Variants in MAPK10 observed in about 807,000 individuals in gnomAD.
MAPK10 encodes JNK3 alpha protein kinase.
MAPK10 carries 25 observed loss-of-function variants against 59.3 expected under a neutral mutation model. The ratio of observed to expected loss-of-function variants is 0.42; its 90% CI spans 0.31 to 0.59. MAPK10 has a LOEUF of 0.59. Among genes scored for constraint, MAPK10 ranks in the 20% least tolerant of loss-of-function variants. MAPK10 has a pLI of 0.15. For synonymous variants in MAPK10, 190 were observed against 200.5 expected (o/e 0.95, Z 0.44); for missense variants, 351 against 568.9 (o/e 0.62, Z 3.90).
intron 3 of MAPK10, among the ~76,000 whole-genome samples, chr4:86,173,503 GT>G (rs1333797316): frequency 6.6e-6 from 1 of 151,814 alleles, no homozygotes; most frequent in Non-Finnish European, 1.5e-5. Flanking sequence ...TAAGAAAAAT[GT>G]AAAACCCAAA....
At chr4:86,506,168 T>C (rs1383103965) in intron 1 of MAPK10, among the ~76,000 whole-genome samples, 11 of 152,092 alleles carry the variant, frequency 7.2e-5, no homozygotes, top group Admixed American at 7.2e-4. Context: ...AGGCAGTCGG[T>C]CATATGAAAA....
chr4:86,485,639 C>T lies in MAPK10; in HGVS notation c.-263+108271G>A, dbSNP rs78764986. Among the ~76,000 whole-genome samples the T allele has an allele frequency of 2.6e-3, 392 of 152,286 alleles. 4 individuals carry two copies. Among genetic ancestry groups the T allele is most frequent in the African/African-American group, 9.1e-3 (380 of 41,548 alleles). On this transcript the variant is annotated intron_variant, in intron 1 of 4. Coordinates refer to the MAPK10 transcript ENST00000502302. Reference sequence around the variant, plus strand: ...CTTCATCAGAGAAAGAATGAGAAAGCTGGAAAGACAGTAGATGGTATAGAC... The same window carrying T: ...CTTCATCAGAGAAAGAATGAGAAAGTTGGAAAGACAGTAGATGGTATAGAC...
chr4:86,220,334 A>AAAAAC (rs1259015276), intron 2 of MAPK10, among the ~76,000 whole-genome samples: 3 of 152,178 alleles, frequency 2.0e-5, no homozygotes, highest in Non-Finnish European at 4.4e-5. Context: ...CATCCAGAGT[A>AAAAAC]AAAACAAAAC....
chr4:86,191,198 G>T (rs954911176), intron 3 of MAPK10, among the ~76,000 whole-genome samples: 1 of 152,152 alleles, frequency 6.6e-6, no homozygotes, highest in Non-Finnish European at 1.5e-5. Flanking sequence ...ATGCTATGTG[G>T]TGTTGAGAAG....
At chr4:86,427,351 G>A (rs1004067242) in intron 1 of MAPK10, among the ~76,000 whole-genome samples, 12 of 151,768 alleles carry the variant, frequency 7.9e-5, no homozygotes, top group Non-Finnish European at 1.8e-4. Flanking sequence ...TCTCAACGAT[G>A]CAACGTTCAC....
intron 1 of MAPK10, among the ~76,000 whole-genome samples, chr4:86,483,626 C>T (rs979879115): frequency 2.0e-5 from 3 of 151,948 alleles, no homozygotes; most frequent in Non-Finnish European, 1.5e-5. Flanking sequence ...CAATATTTAT[C>T]GAACACCTGC....
chr4:86,325,206 T>A (rs2095995935), intron 2 of MAPK10, among the ~76,000 whole-genome samples: 1 of 152,174 alleles, frequency 6.6e-6, no homozygotes, highest in Non-Finnish European at 1.5e-5. Context: ...ATTTCATAGA[T>A]CACAGAGGAA....
chr4:86,531,328 C>T (rs1163791473), intron 1 of MAPK10, among the ~76,000 whole-genome samples: 1 of 152,208 alleles, frequency 6.6e-6, no homozygotes, highest in African/African-American at 2.4e-5. Flanking sequence ...CACATCCCCT[C>T]GATGAGGGTA....
At chr4:86,035,145 T>C (rs1243224542) in intron 11 of MAPK10, among the ~76,000 whole-genome samples, 1 of 150,736 alleles carries the variant, frequency 6.6e-6, no homozygotes, top group African/African-American at 2.4e-5. Context: ...CCGAGGTGGG[T>C]GGATTATTTG....
chr4:86,190,265 A>C (rs147796409), intron 3 of MAPK10, among the ~76,000 whole-genome samples: 12,935 of 152,192 alleles, frequency 0.085, 1,221 homozygotes, highest in African/African-American at 0.23. Context: ...GCCTCATAAA[A>C]TGAGTAAGGA....
chr4:86,353,299 G>A (rs913492544), intron 2 of MAPK10, among the ~76,000 whole-genome samples: 13 of 152,218 alleles, frequency 8.5e-5, no homozygotes, highest in Non-Finnish European at 1.3e-4. Flanking sequence ...TTAAAGCAAG[G>A]ACTGTCTTTT....
intron 2 of MAPK10, among the ~76,000 whole-genome samples, chr4:86,196,684 T>A (rs1413216520): frequency 6.6e-6 from 1 of 152,224 alleles, no homozygotes; most frequent in Non-Finnish European, 1.5e-5. Flanking sequence ...AGAGTTTTTA[T>A]GGTTTCAGGT....
chr4:86,128,556 C>T (rs770917986), intron 4 of MAPK10, among the ~76,000 whole-genome samples: 33 of 152,096 alleles, frequency 2.2e-4, no homozygotes, highest in Non-Finnish European at 4.1e-4. Flanking sequence ...TTCCTGAAGG[C>T]CTCCCCAGCC....
At chr4:86,317,842 G>A (rs998723126) in intron 2 of MAPK10, among the ~76,000 whole-genome samples, 2 of 152,208 alleles carry the variant, frequency 1.3e-5, no homozygotes, top group African/African-American at 4.8e-5. Context: ...TTCTCTCACA[G>A]TGCTGGAGGC....
At chr4:86,335,472 A>G (rs890663383) in intron 2 of MAPK10, among the ~76,000 whole-genome samples, 1 of 152,244 alleles carries the variant, frequency 6.6e-6, no homozygotes, top group Admixed American at 6.5e-5. Context: ...GAAATGGCGG[A>G]CTAAAAATAC....
In MAPK10 at chr4:86,014,303, G is replaced by GTTGTGTGT. The variant is rs1553900779; in HGVS notation, c.*2924_*2925insACACACAA. The GTTGTGTGT allele has an allele frequency of 8.3e-5, 12 of 143,990 alleles. No homozygotes were observed. The highest frequency in any genetic ancestry group is 3.1e-4 in the African/African-American group (12 of 38,530). The allele number at this position is 143,990 out of a possible 1,614,324, so 8.9% of individuals were successfully genotyped here. ...AGGTGACTATTTAAGAAATATTTGG[G>GTTGTGTGT]GTGTGTGTGTGTGTGTGTGTGTGTG... On this transcript the variant is annotated 3_prime_UTR_variant, in exon 14 of 14. Coordinates refer to ENST00000641462, the MANE Select transcript of MAPK10 (RefSeq NM_138982.4).
Position 86,013,484 on chromosome 4 carries a change from A to T in MAPK10, c.*3744T>A, listed in dbSNP as rs1224159663. The T allele has an allele frequency of 6.6e-6, 1 of 152,242 alleles. No individual in the cohort carries two copies. Among genetic ancestry groups the T allele is most frequent in the African/African-American group, 2.4e-5 (1 of 41,464 alleles). 9.4% of individuals were successfully genotyped at this position (152,242 alleles called of 1,614,324 possible). A position where few individuals can be genotyped will look rare whatever the true frequency, so the allele number is the denominator to read the frequency against. On this transcript the variant is annotated 3_prime_UTR_variant, in exon 14 of 14. Transcript: ENST00000641462. ...TGGCTAATAACATGCCTTACAGAGC[A>T]TAATGCACTTAAGATGTGGCTTTTC... is the stretch of plus-strand genomic sequence containing the variant.
At chr4:86,401,144 AATAACTAAATT>A (rs1167279226) in intron 1 of MAPK10, among the ~76,000 whole-genome samples, 1 of 152,172 alleles carries the variant, frequency 6.6e-6, no homozygotes, top group Admixed American at 6.5e-5. Context: ...ACTACAGGAA[AATAACTAAATT>A]TTGAGTCAAA....
intron 1 of MAPK10, among the ~76,000 whole-genome samples, chr4:86,529,719 A>G (rs1757726056): frequency 6.6e-6 from 1 of 152,138 alleles, no homozygotes. Context: ...GGTTGGGCCA[A>G]TTCCCTAACT....
Sources: allele counts gnomAD v4.1 joint callset (sites outside exome capture counted in the v4.1 genomes callset), GRCh38; gene constraint gnomAD v4.1.1; transcripts MANE v1.5; gene names NCBI Gene and HGNC (gene_info 2026-07-23, HGNC 2026-07-21).